The following TRPC4AP variants were observed in gnomAD, a reference collection of about 807,000 sequenced individuals.
The protein encoded by TRPC4AP is transient receptor potential cation channel subfamily C member 4 associated protein.
Under a neutral mutation model 99.0 loss-of-function variants are expected in TRPC4AP, and 45 were observed. The ratio of observed to expected loss-of-function variants is 0.45; its 90% CI spans 0.36 to 0.58. TRPC4AP has a LOEUF of 0.58. TRPC4AP is among the 20% of genes least tolerant of loss of function. TRPC4AP has a pLI of 0.00. For synonymous variants in TRPC4AP, 408 were observed against 385.8 expected, an observed-to-expected ratio of 1.06 and a Z score of -0.67; for missense variants, 879 against 985.3, an observed-to-expected ratio of 0.89 and a Z score of 1.44.
chr20:35,040,740 A>AT (rs1437986288), intron 7 of TRPC4AP, among the ~76,000 whole-genome samples: 1 of 152,100 alleles, frequency 6.6e-6, no homozygotes, highest in Admixed American at 6.5e-5. Context: ...GGTTGTTGGG[A>AT]TTACAGGCGT....
Position 35,077,252 on chromosome 20 carries a change from C to T in TRPC4AP, c.297+794G>A, listed in dbSNP as rs868260083. On this transcript the variant is annotated intron_variant, in intron 2 of 18. Transcript: ENST00000252015. ...CCCCGCCCTGCTTCAGCTCACACTCCGTGGACTGCACCCACTGTCTGACAA... is the reference window on the plus strand; with the variant it reads ...CCCCGCCCTGCTTCAGCTCACACTCTGTGGACTGCACCCACTGTCTGACAA... 7.9e-5 allele frequency among the ~76,000 whole-genome samples: 12 copies of T among 152,118 alleles called. No homozygotes were observed. In the South Asian group the frequency reaches 1.2e-3, roughly 16 times the overall value.
chr20:35,025,615 T>C (rs1483548203), intron 8 of TRPC4AP, among the ~76,000 whole-genome samples: 1 of 152,206 alleles, frequency 6.6e-6, no homozygotes, highest in African/African-American at 2.4e-5. Context: ...TTTTTTATTA[T>C]TGTTATGAGA....
At chr20:35,072,378 T>C (rs779677194) in intron 2 of TRPC4AP, among the ~76,000 whole-genome samples, 15 of 151,962 alleles carry the variant, frequency 9.9e-5, no homozygotes, top group Admixed American at 2.6e-4. Flanking sequence ...CTGAATAGTA[T>C]TGCCTAGATT....
intron 10 of TRPC4AP, among the ~76,000 whole-genome samples, chr20:35,015,331 T>C (rs183343183): frequency 1.3e-5 from 2 of 152,018 alleles, no homozygotes; most frequent in South Asian, 2.1e-4. Context: ...AAAATTACAA[T>C]AGGATAAAAC....
At position 35,035,266 on chromosome 20, in the gene TRPC4AP, T is replaced by C. The variant is rs776437789; in HGVS notation, c.908A>G (p.Lys303Arg). Residue 303 changes from lysine (K) to arginine (R), a missense_variant, in exon 8 of 19, where the codon AAA becomes AGA. Around this residue, in one of 3 missense-constraint regions of TRPC4AP, gnomAD observed 603 missense variants for 631.8 expected, o/e 0.95. Transcript: ENST00000252015. Reference sequence around the variant, plus strand: ...CTCTGACACCTTTCGAGTCGCCAGTTTGCAAAGCCGCTCAACAAAGCCAGG... The same window carrying C: ...CTCTGACACCTTTCGAGTCGCCAGTCTGCAAAGCCGCTCAACAAAGCCAGG... ...SIPGFVERLC[K>R]LATRKVSEST... 3.7e-6 allele frequency: 6 copies of C among 1,614,114 alleles called. No individual in the cohort carries two copies. Among genetic ancestry groups the C allele is most frequent in the Non-Finnish European group, 4.2e-6 (5 of 1,180,016 alleles).
At chr20:35,076,136 G>A (rs986908625) in intron 2 of TRPC4AP, among the ~76,000 whole-genome samples, 1 of 152,126 alleles carries the variant, frequency 6.6e-6, no homozygotes, top group African/African-American at 2.4e-5. Context: ...TTTCTATGCT[G>A]TTTATTCTAG....
In TRPC4AP at chr20:35,006,562, C is replaced by T; in HGVS notation, c.1700G>A (p.Cys567Tyr). The T allele has an allele frequency of 6.2e-7, 1 of 1,614,100 alleles. No homozygotes were observed. The highest frequency in any genetic ancestry group is 1.1e-5 in the South Asian group (1 of 91,078). ...TGACTTACACTCGCTGTCCACAATG[C>T]AGTAAAGGATGTGCTGGGTGAGGAG... Reference protein sequence around the residue: ...KRGLLEHILYCIVDSECKSRD... With the variant: ...KRGLLEHILYYIVDSECKSRD... The change falls in exon 15 of 19, where the codon TGC becomes TAC. Residue 567 changes from cysteine to tyrosine, a missense_variant. By Grantham distance (194) the Cys-to-Tyr change is radical (BLOSUM62 -2). Coordinates refer to ENST00000252015, the MANE Select transcript of TRPC4AP (RefSeq NM_015638.3).
At chr20:35,015,678 C>T (rs769419031) in intron 10 of TRPC4AP, among the ~76,000 whole-genome samples, 98 of 151,910 alleles carry the variant, frequency 6.5e-4, no homozygotes, top group Non-Finnish European at 1.3e-3. Flanking sequence ...ACTAGTGAGA[C>T]AGGGTTTCAC....
chr20:35,044,862 T>C (rs1321671863), intron 6 of TRPC4AP, 150 bp from the exon 7 acceptor site: 1 of 709,928 alleles, frequency 1.4e-6, no homozygotes, highest in Admixed American at 2.9e-5. Context: ...TCTGAAACTT[T>C]GGTTAAGTTA....
chr20:35,038,614 T>C (rs1288678913), intron 7 of TRPC4AP, among the ~76,000 whole-genome samples: 1 of 152,222 alleles, frequency 6.6e-6, no homozygotes, highest in East Asian at 1.9e-4. Flanking sequence ...AATCTCTCTC[T>C]GTCCCTCCCT....
intron 3 of TRPC4AP, among the ~76,000 whole-genome samples, chr20:35,061,470 T>C (rs747722275): frequency 3.9e-5 from 6 of 152,326 alleles, no homozygotes; most frequent in Middle Eastern, 3.4e-3. Flanking sequence ...TTTGCAGAAA[T>C]TGGCAAGCTG....
chr20:35,032,578 T>C (rs1175390383), intron 8 of TRPC4AP, among the ~76,000 whole-genome samples: 2 of 150,978 alleles, frequency 1.3e-5, no homozygotes, highest in South Asian at 4.2e-4. Flanking sequence ...TTCTCGCCAT[T>C]CTCCTGCCTC....
In TRPC4AP at chr20:35,049,919, TCTTA is replaced by T; in HGVS notation, c.600_603del (p.Ser200ArgfsTer21). On this transcript the variant is annotated frameshift_variant, in exon 6 of 19. Coordinates refer to ENST00000252015, the MANE Select transcript of TRPC4AP (RefSeq NM_015638.3). LOFTEE classifies it high-confidence loss of function. ...AGGGTTGCTGTTTGTAAGAATGTCT[TCTTA>T]CTTGTCATCAATGTAAACAGGAAGA... 6.2e-7 allele frequency: 1 copy of T among 1,614,158 alleles called. No homozygotes were observed. The highest frequency in any genetic ancestry group is 8.5e-7 in the Non-Finnish European group (1 of 1,179,998).
At chr20:35,009,200 T>C (rs1435341091) in intron 12 of TRPC4AP, among the ~76,000 whole-genome samples, 1 of 152,012 alleles carries the variant, frequency 6.6e-6, no homozygotes, top group Non-Finnish European at 1.5e-5. Context: ...AGGCAGGAGA[T>C]GAGGAAATGA....
At chr20:35,016,631 GA>G (rs1370455916) in intron 9 of TRPC4AP, among the ~76,000 whole-genome samples, 2 of 150,174 alleles carry the variant, frequency 1.3e-5, no homozygotes, top group East Asian at 1.9e-4. Flanking sequence ...TCTCTGCAAA[GA>G]AAAAAAAATG....
At chr20:35,044,778 T>C in intron 6 of TRPC4AP, 66 bp from the exon 7 acceptor site, 1 of 1,509,932 alleles carries the variant, frequency 6.6e-7, no homozygotes. Context: ...TGTGCCTCTC[T>C]TTCGCATCCC....
At chr20:35,064,194 T>C (rs894449478) in intron 3 of TRPC4AP, among the ~76,000 whole-genome samples, 5 of 152,242 alleles carry the variant, frequency 3.3e-5, no homozygotes, top group Non-Finnish European at 5.9e-5. Flanking sequence ...TATTATTGTT[T>C]AAATCAAGCT....
rs780643282 is a variant in TRPC4AP at position 35,072,267 on chromosome 20, CAGA to C, written c.298-2858_298-2856del. Among the ~76,000 whole-genome samples, 129 of 152,282 alleles carry C rather than the reference CAGA, an allele frequency of 8.5e-4. 1 individual carries two copies. Among genetic ancestry groups the C allele is most frequent in the Admixed American group, 2.2e-3 (34 of 15,290 alleles). On this transcript the variant is annotated intron_variant, in intron 2 of 18. Coordinates refer to ENST00000252015, the MANE Select transcript of TRPC4AP (RefSeq NM_015638.3). ...TCTGATGGTAGTTTCTTTTGCTATG[CAGA>C]AGCTCTTTAGTTTAATTAGATCCCA... is the stretch of plus-strand genomic sequence containing the variant.
intron 1 of TRPC4AP, among the ~76,000 whole-genome samples, chr20:35,081,120 G>C (rs920382132): frequency 1.3e-5 from 2 of 152,200 alleles, no homozygotes; most frequent in East Asian, 3.9e-4. Flanking sequence ...GGGAACAAAG[G>C]ATAGGACATT....
Sources: allele counts gnomAD v4.1 joint callset (sites outside exome capture counted in the v4.1 genomes callset), GRCh38; gene constraint gnomAD v4.1.1; regional missense constraint gnomAD v4.1.1; transcripts MANE v1.5; gene names NCBI Gene and HGNC (gene_info 2026-07-23, HGNC 2026-07-21).